Variants in ADGRL1 observed in about 807,000 individuals in gnomAD.
ADGRL1 encodes adhesion G protein-coupled receptor L1.
In ADGRL1, 31 loss-of-function variants were observed where a neutral mutation model predicts 148.9. The ratio of observed to expected loss-of-function variants is 0.21; its 90% CI spans 0.16 to 0.28. The LOEUF (loss-of-function observed/expected upper bound fraction) is 0.28. ADGRL1 is among the 10% of genes least tolerant of loss of function. The pLI is 1.00. For synonymous variants in ADGRL1, 937 were observed against 900.3 expected, an observed-to-expected ratio of 1.04 and a Z score of -0.73; for missense variants, 1,521 against 2,058.8, an observed-to-expected ratio of 0.74 and a Z score of 5.05.
Position 14,177,518 on chromosome 19 carries a change from A to C in ADGRL1, c.284+13T>G. 6.2e-7 allele frequency: 1 copy of C among 1,610,130 alleles called. No individual in the cohort carries two copies. The highest frequency in any genetic ancestry group is 8.5e-7 in the Non-Finnish European group (1 of 1,176,470). On this transcript the variant is annotated intron_variant, in intron 3 of 22. Transcript: ENST00000361434. ...GGCACTTCATCCAGGAACTGCCACGAGAGCCCACTCACCTCTGTGACATGA... is the reference window on the plus strand; with the variant it reads ...GGCACTTCATCCAGGAACTGCCACGCGAGCCCACTCACCTCTGTGACATGA...
intron 1 of ADGRL1, 108 bp from the exon 2 acceptor site, chr19:14,183,805 T>C (rs1052275928): frequency 3.5e-6 from 2 of 569,742 alleles, no homozygotes; most frequent in African/African-American, 3.8e-5. Flanking sequence ...AGCACGTCCC[T>C]CGAGCCAGCC....
At chr19:14,184,655 T>TTTTC (rs59222371) in intron 1 of ADGRL1, among the ~76,000 whole-genome samples, 58 of 148,352 alleles carry the variant, frequency 3.9e-4, no homozygotes, top group Non-Finnish European at 7.3e-4. Context: ...TATTTTTTTT[T>TTTTC]CTGAGACGGA....
intron 3 of ADGRL1, among the ~76,000 whole-genome samples, chr19:14,176,902 C>A (rs975535655): frequency 1.3e-5 from 2 of 151,842 alleles, no homozygotes; most frequent in Non-Finnish European, 2.9e-5. Flanking sequence ...CTCTGTCCTG[C>A]TGTTCTTTAT....
intron 1 of ADGRL1, among the ~76,000 whole-genome samples, chr19:14,201,149 T>C (rs1208201201): frequency 6.6e-6 from 1 of 151,968 alleles, no homozygotes; most frequent in Non-Finnish European, 1.5e-5. Flanking sequence ...GGAAATCGTC[T>C]AGGAAATCCT....
Position 14,152,947 on chromosome 19 carries a change from CTG to C in ADGRL1, c.3295-37_3295-36del, listed in dbSNP as rs773230161. 1 of 1,608,306 alleles carries C rather than the reference CTG, an allele frequency of 6.2e-7. No homozygotes were observed. Among genetic ancestry groups the C allele is most frequent in the Non-Finnish European group, 8.5e-7 (1 of 1,177,702 alleles). Reference sequence around the variant, plus strand: ...GGAGGACAGTCAGCTGGCTGGGACACTGGCCTCCTCTGTGATCCAGTCTCCCA... The same window carrying C: ...GGAGGACAGTCAGCTGGCTGGGACACGCCTCCTCTGTGATCCAGTCTCCCA... On this transcript the variant is annotated intron_variant, in intron 18 of 22. Transcript: ENST00000361434. This position sits in a 1 kb window ranked among gnomAD's most constrained non-coding sequence, Gnocchi z 6.1.
In ADGRL1 at chr19:14,150,094, G is replaced by C. The variant is rs539516311; in HGVS notation, c.*779C>G. 1 of 152,384 alleles carries C rather than the reference G, an allele frequency of 6.6e-6. No individual in the cohort carries two copies. Among genetic ancestry groups the C allele is most frequent in the Non-Finnish European group, 1.5e-5 (1 of 68,050 alleles). 9.4% of individuals were successfully genotyped at this position (152,384 alleles called of 1,614,324 possible). Reference sequence around the variant, plus strand: ...CCCAAAATCTGCTCCCCAGATAGCCGAGCCCACAGGACTGGGAACTGCCCA... The same window carrying C: ...CCCAAAATCTGCTCCCCAGATAGCCCAGCCCACAGGACTGGGAACTGCCCA... On this transcript the variant is annotated 3_prime_UTR_variant, in exon 23 of 23. Transcript: ENST00000361434.
At chr19:14,182,982 C>T (rs753741828) in intron 2 of ADGRL1, among the ~76,000 whole-genome samples, 5 of 152,054 alleles carry the variant, frequency 3.3e-5, no homozygotes, top group South Asian at 2.1e-4. Flanking sequence ...CACCTTATCC[C>T]GCCCTTGCCC....
intron 1 of ADGRL1, among the ~76,000 whole-genome samples, chr19:14,184,890 C>T (rs530865436): frequency 1.2e-4 from 18 of 152,172 alleles, no homozygotes; most frequent in African/African-American, 4.1e-4. Flanking sequence ...CCGCCCGTCT[C>T]GGCCTCCCAA....
chr19:14,183,809 G>A (rs2145033320), intron 1 of ADGRL1, 112 bp from the exon 2 acceptor site: 1 of 565,578 alleles, frequency 1.8e-6, no homozygotes, highest in South Asian at 2.2e-5. Context: ...CGTCCCTCGA[G>A]CCAGCCCTAT....
At chr19:14,156,843 C>G in intron 15 of ADGRL1, 82 bp downstream of exon 15, 5 of 1,534,732 alleles carry the variant, frequency 3.3e-6, no homozygotes, top group Non-Finnish European at 4.4e-6. Context: ...AAGGGACTAC[C>G]GCCCTGAGGG....
chr19:14,201,301 T>C (rs1972588028), intron 1 of ADGRL1, among the ~76,000 whole-genome samples: 1 of 112,764 alleles, frequency 8.9e-6, no homozygotes, highest in African/African-American at 3.1e-5. Flanking sequence ...TGAGTTTTTT[T>C]GTTTTTTTTT....
Position 14,177,558 on chromosome 19 carries a change from G to A in ADGRL1, c.257C>T (p.Pro86Leu), listed in dbSNP as rs1250908567. The part of the protein sequence containing the change: ...FQMENVQCYL[P>L]DAFKIMSQRC... ...CTGTGACATGATCTTGAAGGCGTCC[G>A]GCAGGTAGCACTGCACATTCTCCAT... is the stretch of plus-strand genomic sequence containing the variant. The change falls in exon 3 of 23, where the codon CCG becomes CTG. Residue 86 changes from proline to leucine, a missense_variant. By Grantham distance (98) the Pro-to-Leu change is moderately conservative. Coordinates refer to ENST00000361434, the MANE Select transcript of ADGRL1 (RefSeq NM_014921.5). The A allele has an allele frequency of 6.2e-6, 10 of 1,614,074 alleles. No individual in the cohort carries two copies. The highest frequency in any genetic ancestry group is 8.5e-6 in the Non-Finnish European group (10 of 1,180,052).
chr19:14,203,026 C>T (rs184371537), intron 1 of ADGRL1, among the ~76,000 whole-genome samples: 1 of 152,306 alleles, frequency 6.6e-6, no homozygotes, highest in Non-Finnish European at 1.5e-5. Flanking sequence ...ACTTGGCCTC[C>T]CACCTCACTC....
intron 4 of ADGRL1, 132 bp downstream of exon 4, chr19:14,170,550 G>C (rs770161411): frequency 5.7e-5 from 35 of 612,096 alleles, no homozygotes; most frequent in East Asian, 1.7e-4. Flanking sequence ...GTGTTGGAGA[G>C]AGCAGGCCCG....
intron 1 of ADGRL1, 100 bp from the exon 2 acceptor site, chr19:14,183,797 C>A: frequency 1.7e-6 from 1 of 576,248 alleles, no homozygotes; most frequent in Non-Finnish European, 3.1e-6. Context: ...TGAGGTCCAG[C>A]ACGTCCCTCG....
In ADGRL1 at chr19:14,163,346, T is replaced by G. The variant is rs1414018188; in HGVS notation, c.455A>C (p.Glu152Ala). ...CTTGCACCATGCGCCAGACTGGTGC[T>G]CTGACTCGTGTGTCGAGGTGGGCTC... The part of the protein sequence containing the change: ...VLEPTSTHES[E>A]HQSGAWCKDP... Residue 152 changes from glutamate to alanine, a missense_variant, in exon 5 of 23, where the codon GAG becomes GCG. Around this residue, in one of 8 missense-constraint regions of ADGRL1, gnomAD observed 334 missense variants for 512.5 expected, o/e 0.65. Transcript: ENST00000361434. 1 of 1,608,006 alleles carries G rather than the reference T, an allele frequency of 6.2e-7. No individual in the cohort carries two copies. The highest frequency in any genetic ancestry group is 1.3e-5 in the African/African-American group (1 of 74,834).
At chr19:14,184,646 ATTTT>A (rs368698858) in intron 1 of ADGRL1, among the ~76,000 whole-genome samples, 2,551 of 97,674 alleles carry the variant, frequency 0.026, 121 homozygotes, top group African/African-American at 0.094. Context: ...TTATTTATTT[ATTTT>A]TTTTTCTGAG....
intron 16 of ADGRL1, 109 bp downstream of exon 16, chr19:14,156,549 G>A: frequency 1.2e-6 from 1 of 801,922 alleles, no homozygotes; most frequent in Admixed American, 2.2e-5. Context: ...TGGAGAGAGA[G>A]AGAGTGTGTG....
chr19:14,170,572 T>C, intron 4 of ADGRL1, 110 bp downstream of exon 4: 1 of 655,912 alleles, frequency 1.5e-6, no homozygotes, highest in Non-Finnish European at 2.8e-6. Flanking sequence ...CTGTCCCCAC[T>C]GTGCCCAGGC....
Sources: allele counts gnomAD v4.1 joint callset (sites outside exome capture counted in the v4.1 genomes callset), GRCh38; gene constraint gnomAD v4.1.1; regional missense constraint gnomAD v4.1.1; non-coding constraint Gnocchi (gnomAD v3.1); transcripts MANE v1.5; gene names NCBI Gene and HGNC (gene_info 2026-07-23, HGNC 2026-07-21).